EME2: variants seen among roughly 807,000 people sequenced by gnomAD.
EME2 encodes the protein structure-specific endonuclease subunit EME2.
In EME2, 58 loss-of-function variants were observed where a neutral mutation model predicts 41.9. The observed-to-expected ratio is 1.38, with a 90% CI of 1.12 to 1.72. The LOEUF is 1.72. Among genes scored for constraint, EME2 ranks in the 40% most tolerant of loss-of-function variants. The pLI is 0.00. For missense variants in EME2, 695 were observed against 541.9 expected, an observed-to-expected ratio of 1.28 and a Z score of -2.81; for synonymous variants, 334 against 239.3, an observed-to-expected ratio of 1.40 and a Z score of -3.65.
chr16:1,776,817 T>G lies in EME2; in HGVS notation c.*579T>G. 1 of 513,084 alleles carries G rather than the reference T, an allele frequency of 1.9e-6. No individual in the cohort carries two copies. The highest frequency in any genetic ancestry group is 3.5e-6 in the Non-Finnish European group (1 of 289,386). 31.8% of individuals were successfully genotyped at this position (513,084 alleles called of 1,614,324 possible). A position where few individuals can be genotyped will look rare whatever the true frequency, so the allele number is the denominator to read the frequency against. ...CAAGTTAGGAAAAACCGAGGCCCTG[T>G]GGGAACAGCAACGCGGGCTCCAGCC... On this transcript the variant is annotated 3_prime_UTR_variant, in exon 8 of 8. Transcript: ENST00000568449.
rs763582814 is a variant in EME2, at chr16:1,775,589, C to G, written c.684C>G (p.Leu228=). Residue 228 remains leucine (L), a synonymous_variant, in exon 6 of 8, where the codon CTC becomes CTG. Coordinates refer to ENST00000568449, the MANE Select transcript of EME2 (RefSeq NM_001257370.2). ...CCCAGGCCCTGGTACTCCTGCAGCT[C>G]TGGGCAAACCTGGACGTGCTACTGG... ...EVEEALVLLQ[L]WANLDVLLVA... is the part of the protein sequence containing the mutation. The G allele has an allele frequency of 2.5e-6, 4 of 1,612,914 alleles. No homozygotes were observed. Among genetic ancestry groups the G allele is most frequent in the East Asian group, 4.5e-5 (2 of 44,886 alleles).
rs774510028 is a variant in EME2, at chr16:1,775,444, C to T, written c.663+36C>T. ...GTCTGAGCTGGGTGAGTCAGGTGGC[C>T]TGGGTCCCAGTGATTGGGCTGCTGG... On this transcript the variant is annotated intron_variant, in intron 5 of 7. Transcript: ENST00000568449. 4.4e-6 allele frequency: 7 copies of T among 1,607,820 alleles called. No homozygotes were observed. In the South Asian group the frequency reaches 7.7e-5, roughly 18 times the overall value.
chr16:1,776,453 C>G lies in EME2; in HGVS notation c.*215C>G. The G allele has an allele frequency of 1.8e-6, 1 of 563,014 alleles. No homozygotes were observed. The highest frequency in any genetic ancestry group is 3.1e-6 in the Non-Finnish European group (1 of 319,180). The allele number at this position is 563,014 out of a possible 1,614,324, so 34.9% of individuals were successfully genotyped here. On this transcript the variant is annotated 3_prime_UTR_variant, in exon 8 of 8. Transcript: ENST00000568449. The stretch of plus-strand genomic sequence containing the variant: ...CTGGCTGGCAGATGGCTGGCGGTTC[C>G]TGTGCTGAGTCCTGAACACGTAGGC...
rs759213206 is a variant in EME2 at position 1,778,572 on chromosome 16, G to T, written c.*2334G>T. Reference sequence around the variant, plus strand: ...GGGCACCGCACTGGGGATGGATGGCGGCAGCGTGGAGTACTCGGGGTCGGA... The same window carrying T: ...GGGCACCGCACTGGGGATGGATGGCTGCAGCGTGGAGTACTCGGGGTCGGA... On this transcript the variant is annotated 3_prime_UTR_variant, in exon 8 of 8. Coordinates refer to ENST00000568449, the MANE Select transcript of EME2 (RefSeq NM_001257370.2). 1 of 1,595,866 alleles carries T rather than the reference G, an allele frequency of 6.3e-7. No homozygotes were observed. The highest frequency in any genetic ancestry group is 8.6e-7 in the Non-Finnish European group (1 of 1,168,170).
chr16:1,777,008 G>A lies in EME2; in HGVS notation c.*770G>A. 2 of 1,460,208 alleles carry A rather than the reference G, an allele frequency of 1.4e-6. No individual in the cohort carries two copies. Among genetic ancestry groups the A allele is most frequent in the Non-Finnish European group, 1.9e-6 (2 of 1,075,224 alleles). The allele number at this position is 1,460,208 out of a possible 1,614,324, so 90.5% of individuals were successfully genotyped here. A position where few individuals can be genotyped will look rare whatever the true frequency, so the allele number is the denominator to read the frequency against. ...ACGGGCCTCATCCAACTCCGCCCTG[G>A]AGTGTGGCTGGAAGGAAGGGACAGA... On this transcript the variant is annotated 3_prime_UTR_variant, in exon 8 of 8. Coordinates refer to ENST00000568449, the MANE Select transcript of EME2 (RefSeq NM_001257370.2).
chr16:1,775,254 G>A (rs753876336), intron 4 of EME2, 61 bp from the exon 5 acceptor site: 80 of 1,600,212 alleles, frequency 5.0e-5, no homozygotes, highest in Non-Finnish European at 6.2e-5. Flanking sequence ...CTCTGGCAGA[G>A]GCCAAGCTCG....
In EME2 at chr16:1,777,454, G is replaced by A. The variant is rs1312055036; in HGVS notation, c.*1216G>A. On this transcript the variant is annotated 3_prime_UTR_variant, in exon 8 of 8. Transcript: ENST00000568449. ...TGGTGGCTGCCACACCTGGAAGGGA[G>A]GGGCCCAGCCTGAACCCCAGGCAGG... 6.7e-7 allele frequency: 1 copy of A among 1,496,830 alleles called. No individual in the cohort carries two copies. Among genetic ancestry groups the A allele is most frequent in the African/African-American group, 1.4e-5 (1 of 72,530 alleles). The allele number at this position is 1,496,830 out of a possible 1,614,324, so 92.7% of individuals were successfully genotyped here. A position where few individuals can be genotyped will look rare whatever the true frequency, so the allele number is the denominator to read the frequency against.
Position 1,777,460 on chromosome 16 carries a change from C to T in EME2, c.*1222C>T, listed in dbSNP as rs1375869366. The T allele has an allele frequency of 4.7e-6, 7 of 1,479,962 alleles. No individual in the cohort carries two copies. Among genetic ancestry groups the T allele is most frequent in the Non-Finnish European group, 5.4e-6 (6 of 1,116,606 alleles). The allele number at this position is 1,479,962 out of a possible 1,614,324, so 91.7% of individuals were successfully genotyped here. On this transcript the variant is annotated 3_prime_UTR_variant, in exon 8 of 8. Transcript: ENST00000568449. The stretch of plus-strand genomic sequence containing the variant: ...CTGCCACACCTGGAAGGGAGGGGCC[C>T]AGCCTGAACCCCAGGCAGGGAAGGG...
At position 1,773,711 on chromosome 16, in the gene EME2, T is replaced by C. The variant is rs924742128; in HGVS notation, c.254T>C (p.Leu85Pro). 9 of 1,548,744 alleles carry C rather than the reference T, an allele frequency of 5.8e-6. No individual in the cohort carries two copies. The highest frequency in any genetic ancestry group is 7.8e-6 in the Non-Finnish European group (9 of 1,147,154). ...RLAVCVDTAILEDAGADVLME... is the reference protein window; with the variant it reads ...RLAVCVDTAIPEDAGADVLME... ...TCCTCTCCCCCGGTCCCAGCCATCC[T>C]GGAAGACGCCGGTGCCGACGTCCTG... Residue 85 changes from leucine (L) to proline (P), a missense_variant, in exon 2 of 8, where the codon CTG becomes CCG. Coordinates refer to ENST00000568449, the MANE Select transcript of EME2 (RefSeq NM_001257370.2).
intron 2 of EME2, 113 bp downstream of exon 2, chr16:1,773,954 G>C: frequency 7.4e-7 from 1 of 1,343,298 alleles, no homozygotes. Context: ...GCGTCTCGCG[G>C]ATGGGTAAAG....
intron 3 of EME2, 124 bp from the exon 4 acceptor site, chr16:1,774,917 C>T (rs1270231114): frequency 2.6e-6 from 2 of 769,794 alleles, no homozygotes; most frequent in Non-Finnish European, 4.3e-6. Flanking sequence ...GGAACAGAGG[C>T]TCCTCTCGGC....
rs778272342 is a variant in EME2 at position 1,775,912 on chromosome 16, C to T, written c.895C>T (p.Gln299Ter). 4.3e-6 allele frequency: 7 copies of T among 1,612,206 alleles called. No individual in the cohort carries two copies. In the East Asian group the frequency reaches 1.1e-4, roughly 26 times the overall value. ...GGCGGCCTGGCGGAGGCAGATCAGG[C>T]AGTTCAGTCGGGTCAGCCCAGCCGT... is the stretch of plus-strand genomic sequence containing the variant. ...LQAAWRRQIR[Q>*]FSRVSPAVAD... Residue 299 changes from glutamine (Q) to a stop codon, truncating the protein, a stop_gained, in exon 7 of 8, where the codon CAG becomes TAG. Transcript: ENST00000568449. LOFTEE classifies it high-confidence loss of function.
chr16:1,773,508 G>A lies in EME2; in HGVS notation c.247+34G>A. 1.3e-6 allele frequency: 2 copies of A among 1,569,248 alleles called. 1 individual carries two copies. The stretch of plus-strand genomic sequence containing the variant: ...GAGGGCACGGGCGATACTCGGGGTA[G>A]GAAAGGCCTTTCTCCGCCAGGCGGC... On this transcript the variant is annotated intron_variant, in intron 1 of 7. Transcript: ENST00000568449.
In EME2 at chr16:1,776,694, G is replaced by A. The variant is rs118003261; in HGVS notation, c.*456G>A. On this transcript the variant is annotated 3_prime_UTR_variant, in exon 8 of 8. Transcript: ENST00000568449. ...GCAAGCCCGGCCTCTGCACGGATAC[G>A]TTTCAGCTCACGCCATGTGGGTGTT... The A allele has an allele frequency of 5.3e-3, 1,575 of 296,898 alleles. 39 individuals carry two copies. Among genetic ancestry groups the A allele is most frequent in the East Asian group, 0.049 (686 of 14,096 alleles). The allele number at this position is 296,898 out of a possible 1,614,324, so 18.4% of individuals were successfully genotyped here.
chr16:1,773,131 G>C lies in EME2; in HGVS notation c.-97G>C. On this transcript the variant is annotated 5_prime_UTR_variant, in exon 1 of 8. Coordinates refer to ENST00000568449, the MANE Select transcript of EME2 (RefSeq NM_001257370.2). ...TTCTTCCGCGCCATGGCGGGTCCGC[G>C]TCCTCAGCGGTCCGGCCGGAAGTCA... 7.2e-7 allele frequency: 1 copy of C among 1,389,502 alleles called. No individual in the cohort carries two copies. The highest frequency in any genetic ancestry group is 9.3e-7 in the Non-Finnish European group (1 of 1,077,344). The allele number at this position is 1,389,502 out of a possible 1,614,324, so 86.1% of individuals were successfully genotyped here. A position where few individuals can be genotyped will look rare whatever the true frequency, so the allele number is the denominator to read the frequency against.
rs1398908602 is a variant in EME2 at position 1,776,266 on chromosome 16, G to A, written c.*28G>A. On this transcript the variant is annotated 3_prime_UTR_variant, in exon 8 of 8. Coordinates refer to ENST00000568449, the MANE Select transcript of EME2 (RefSeq NM_001257370.2). The stretch of plus-strand genomic sequence containing the variant: ...ACACGTGGGACCACCAGGACAGCAT[G>A]CAGCCTTGGGGACAGACCAGACACC... 1.2e-6 allele frequency: 2 copies of A among 1,609,596 alleles called. No individual in the cohort carries two copies. Among genetic ancestry groups the A allele is most frequent in the East Asian group, 2.2e-5 (1 of 44,874 alleles).
In EME2 at chr16:1,778,371, T is replaced by C; in HGVS notation, c.*2133T>C. ...CAGCCCTGAGAGCTCCATGGGGCTC[T>C]GCCCTGCCCACCCCCAGGCCCGCCC... On this transcript the variant is annotated 3_prime_UTR_variant, in exon 8 of 8. Coordinates refer to ENST00000568449, the MANE Select transcript of EME2 (RefSeq NM_001257370.2). 6.2e-7 allele frequency: 1 copy of C among 1,609,306 alleles called. No homozygotes were observed. The highest frequency in any genetic ancestry group is 8.5e-7 in the Non-Finnish European group (1 of 1,178,788).
chr16:1,777,238 T>C lies in EME2; in HGVS notation c.*1000T>C, dbSNP rs1357522387. 6.2e-7 allele frequency: 1 copy of C among 1,610,800 alleles called. No individual in the cohort carries two copies. The highest frequency in any genetic ancestry group is 2.2e-5 in the East Asian group (1 of 44,882). On this transcript the variant is annotated 3_prime_UTR_variant, in exon 8 of 8. Coordinates refer to ENST00000568449, the MANE Select transcript of EME2 (RefSeq NM_001257370.2). ...TCAGGACCCAGCCCAGCTTGTTGTG[T>C]AGCACCTGCTTGAGGCCCGGCGGCA...
chr16:1,776,827 A>G lies in EME2; in HGVS notation c.*589A>G, dbSNP rs1341556745. ...AAAACCGAGGCCCTGTGGGAACAGCAACGCGGGCTCCAGCCAGGCTCTCGT... is the reference window on the plus strand; with the variant it reads ...AAAACCGAGGCCCTGTGGGAACAGCGACGCGGGCTCCAGCCAGGCTCTCGT... On this transcript the variant is annotated 3_prime_UTR_variant, in exon 8 of 8. Coordinates refer to ENST00000568449, the MANE Select transcript of EME2 (RefSeq NM_001257370.2). The G allele has an allele frequency of 3.8e-6, 2 of 526,304 alleles. No individual in the cohort carries two copies. Among genetic ancestry groups the G allele is most frequent in the African/African-American group, 3.8e-5 (2 of 52,226 alleles). 32.6% of individuals were successfully genotyped at this position (526,304 alleles called of 1,614,324 possible).
Sources: gnomAD v4.1 joint callset for allele counts on GRCh38, gnomAD v4.1.1 for gene constraint, MANE v1.5 for transcripts, NCBI Gene and HGNC (gene_info 2026-07-23, HGNC 2026-07-21) for gene names.